DMTN: variants seen among roughly 807,000 people sequenced by gnomAD.
DMTN encodes the protein dematin.
Under a neutral mutation model 59.4 loss-of-function variants are expected in DMTN, and 27 were observed. The observed-to-expected ratio is 0.45, with a 90% CI of 0.33 to 0.63. The LOEUF (loss-of-function observed/expected upper bound fraction) is 0.63. Ranked by LOEUF, DMTN falls within the 20% of genes least tolerant of loss-of-function variation. The probability of loss-of-function intolerance (pLI) is 0.02; values close to 1 mark genes in which losing one functional copy is unlikely to be tolerated. For missense variants in DMTN, 451 were observed against 528.9 expected (o/e 0.85, Z 1.45); for synonymous variants, 221 against 203.7 (o/e 1.08, Z -0.72).
At chr8:22,049,282 G>A (rs1308008933), upstream of DMTN, 7 of 150,094 alleles carry the variant, frequency 4.7e-5, no homozygotes, top group Non-Finnish European at 7.4e-5. Context: ...GAGGGGGCGA[G>A]AAGGCGTCCC....
chr8:22,075,790 A>T (rs1205197903), intron 10 of DMTN, among the ~76,000 whole-genome samples: 1 of 152,112 alleles, frequency 6.6e-6, no homozygotes, highest in African/African-American at 2.4e-5. Context: ...AAGTGCTGGG[A>T]TTGCAGGCGT....
At chr8:22,069,092 G>A (rs1813087303) in intron 5 of DMTN, 32 bp downstream of exon 5, 1 of 1,605,172 alleles carries the variant, frequency 6.2e-7, no homozygotes, top group Non-Finnish European at 8.5e-7. Context: ...AACTTGCCCT[G>A]CCCTGCCCTG....
chr8:22,063,665 C>G (rs1186522232), intron 1 of DMTN, among the ~76,000 whole-genome samples: 2 of 152,148 alleles, frequency 1.3e-5, no homozygotes, highest in East Asian at 1.9e-4. Context: ...GCTGCTTTCT[C>G]TATCAGGAGC....
Position 22,069,496 on chromosome 8 carries a change from C to T in DMTN, c.372C>T (p.Ser124=), listed in dbSNP as rs970039627. The part of the protein sequence containing the change: ...APRTTGTPRT[S]LPHFHHPETS... The stretch of plus-strand genomic sequence containing the variant: ...GAACCACTGGAACCCCCCGGACCAG[C>T]CTGCCCCATTTCCACCACCCTGGTA... The change falls in exon 6 of 16, where the codon AGC becomes AGT. Residue 124 remains serine (S), a synonymous_variant. Coordinates refer to ENST00000358242, the MANE Select transcript of DMTN (RefSeq NM_001387751.1). 6.2e-7 allele frequency: 1 copy of T among 1,605,322 alleles called. No homozygotes were observed. The highest frequency in any genetic ancestry group is 8.5e-7 in the Non-Finnish European group (1 of 1,176,332).
chr8:22,060,527 G>C lies in DMTN; in HGVS notation c.-172+3391G>C, dbSNP rs554062446. 2.0e-5 allele frequency among the ~76,000 whole-genome samples: 3 copies of C among 152,018 alleles called. No homozygotes were observed. Among genetic ancestry groups the C allele is most frequent in the Non-Finnish European group, 2.9e-5 (2 of 68,024 alleles). On this transcript the variant is annotated intron_variant, in intron 1 of 15. Transcript: ENST00000358242. The surrounding 1 kb of genome is among the most constrained non-coding windows in gnomAD (Gnocchi z 5.0). ...CTTCTGACAGCTTAAAATTTAACCA[G>C]TACAAACATTATGCCTTAAGGCTAG...
In DMTN at chr8:22,081,630, T is replaced by C. The variant is rs1824336535; in HGVS notation, c.*167T>C. ...GTCCCCGGCAGTGAGCTATGGACTT[T>C]CTTCCCCCTCACAAGGCTGGGGGCC... is the stretch of plus-strand genomic sequence containing the variant. On this transcript the variant is annotated 3_prime_UTR_variant, in exon 16 of 16. Coordinates refer to ENST00000358242, the MANE Select transcript of DMTN (RefSeq NM_001387751.1). The C allele has an allele frequency of 1.6e-6, 1 of 633,494 alleles. No homozygotes were observed. Among genetic ancestry groups the C allele is most frequent in the Non-Finnish European group, 2.8e-6 (1 of 357,652 alleles). The allele number at this position is 633,494 out of a possible 1,614,324, so 39.2% of individuals were successfully genotyped here.
chr8:22,054,862 CT>C (rs1384978414), upstream of DMTN: 6 of 152,728 alleles, frequency 3.9e-5, no homozygotes, highest in Non-Finnish European at 7.3e-5. Context: ...TCCTCCCCCC[CT>C]CCCTGCTGCC....
chr8:22,067,283 A>G (rs1268200494), intron 3 of DMTN, 124 bp downstream of exon 3: 5 of 1,214,864 alleles, frequency 4.1e-6, no homozygotes, highest in Admixed American at 2.7e-5. Context: ...GCTGGCGGGC[A>G]GAGAGAACCC....
chr8:22,049,210 A>G (rs1481086234), upstream of DMTN: 4 of 122,416 alleles, frequency 3.3e-5, no homozygotes, highest in Non-Finnish European at 3.3e-5. Context: ...GGGCAGCGAG[A>G]TTGCTTTTTT....
At chr8:22,049,381 C>CG (rs1801095841), upstream of DMTN, among the ~76,000 whole-genome samples, 2 of 86,216 alleles carry the variant, frequency 2.3e-5, no homozygotes, top group African/African-American at 8.7e-5. Context: ...CCGGATGGCC[C>CG]GGGGGGTAGG....
At chr8:22,062,933 C>T (rs1563416676) in intron 1 of DMTN, among the ~76,000 whole-genome samples, 2 of 152,072 alleles carry the variant, frequency 1.3e-5, no homozygotes, top group African/African-American at 2.4e-5. Context: ...GTTTTCCTCT[C>T]TCTGACTGTG....
Position 22,082,516 on chromosome 8 carries a change from T to C in DMTN, c.*1053T>C. On this transcript the variant is annotated 3_prime_UTR_variant, in exon 16 of 16. Transcript: ENST00000358242. ...TCTGCTTGGAATTAAAAGGTTGCAT[T>C]GGGTCCCTACATCTGTCTTTTCCTT... 3.4e-6 allele frequency: 1 copy of C among 296,854 alleles called. No homozygotes were observed. The highest frequency in any genetic ancestry group is 6.7e-6 in the Non-Finnish European group (1 of 149,990). The allele number at this position is 296,854 out of a possible 1,614,324, so 18.4% of individuals were successfully genotyped here. A position where few individuals can be genotyped will look rare whatever the true frequency, so the allele number is the denominator to read the frequency against.
upstream of DMTN, among the ~76,000 whole-genome samples, chr8:22,051,001 A>G (rs561280503): frequency 2.1e-4 from 32 of 152,290 alleles, no homozygotes; most frequent in African/African-American, 7.5e-4. Flanking sequence ...TTTAACATGC[A>G]CATCTAGGCG....
upstream of DMTN, among the ~76,000 whole-genome samples, chr8:22,053,041 G>T (rs553804245): frequency 5.9e-5 from 9 of 151,802 alleles, no homozygotes; most frequent in South Asian, 6.2e-4. Flanking sequence ...GATTTCAGAT[G>T]ATTTCAGTGG....
At chr8:22,063,431 T>C (rs974554301) in intron 1 of DMTN, among the ~76,000 whole-genome samples, 1 of 152,226 alleles carries the variant, frequency 6.6e-6, no homozygotes, top group Non-Finnish European at 1.5e-5. Flanking sequence ...GCTTGAATCA[T>C]GTAACTTCTT....
chr8:22,082,163 A>C lies in DMTN; in HGVS notation c.*700A>C, dbSNP rs1824598044. The C allele has an allele frequency of 2.2e-6, 1 of 456,644 alleles. No individual in the cohort carries two copies. The highest frequency in any genetic ancestry group is 2.0e-5 in the African/African-American group (1 of 50,060). The allele number at this position is 456,644 out of a possible 1,614,324, so 28.3% of individuals were successfully genotyped here. On this transcript the variant is annotated 3_prime_UTR_variant, in exon 16 of 16. Transcript: ENST00000358242. Reference sequence around the variant, plus strand: ...TGGGAATTCCAGCACTAAGCCAGGCACCGGGCAGAAGCTGGGCCTTCCGCC... The same window carrying C: ...TGGGAATTCCAGCACTAAGCCAGGCCCCGGGCAGAAGCTGGGCCTTCCGCC...
At chr8:22,075,516 ATTTT>A (rs386412281) in intron 10 of DMTN, among the ~76,000 whole-genome samples, 2 of 87,726 alleles carry the variant, frequency 2.3e-5, no homozygotes, top group South Asian at 9.0e-4. Flanking sequence ...GCCCAGCTAA[ATTTT>A]TTTTTTTTTT....
At chr8:22,069,833 T>C (rs1585951876) in intron 6 of DMTN, 48 bp from the exon 7 acceptor site, 1 of 1,600,884 alleles carries the variant, frequency 6.2e-7, no homozygotes, top group Middle Eastern at 1.7e-4. Context: ...GGCCCCAGCC[T>C]CCCTGCCATC....
chr8:22,051,796 T>C (rs1466108330), upstream of DMTN, among the ~76,000 whole-genome samples: 1 of 152,104 alleles, frequency 6.6e-6, no homozygotes, highest in Non-Finnish European at 1.5e-5. Context: ...TCTCTGTGCC[T>C]CTCAACACTG....
Sources: gnomAD v4.1 joint callset for allele counts (sites outside exome capture counted in the v4.1 genomes callset) on GRCh38, gnomAD v4.1.1 for gene constraint, Gnocchi (gnomAD v3.1) non-coding constraint, MANE v1.5 for transcripts, NCBI Gene and HGNC (gene_info 2026-07-23, HGNC 2026-07-21) for gene names.